ICOS: variants seen among roughly 807,000 people sequenced by gnomAD.
ICOS encodes the protein inducible T cell costimulator.
In ICOS, 15 loss-of-function variants were observed where a neutral mutation model predicts 24.6. The ratio of observed to expected loss-of-function variants is 0.61; its 90% CI spans 0.41 to 0.94. ICOS has a LOEUF of 0.94. Among genes scored for constraint, ICOS ranks in the 40% least tolerant of loss-of-function variants. ICOS has a pLI of 0.00. For missense variants in ICOS, 200 were observed against 233.0 expected, an observed-to-expected ratio of 0.86 and a Z score of 0.92; for synonymous variants, 89 against 77.5, an observed-to-expected ratio of 1.15 and a Z score of -0.78.
At chr2:203,942,019 A>G (rs1689785975) in intron 1 of ICOS, among the ~76,000 whole-genome samples, 1 of 152,224 alleles carries the variant, frequency 6.6e-6, no homozygotes, top group Admixed American at 6.5e-5. Flanking sequence ...TTGTCCCCAA[A>G]TAGGGTGATA....
chr2:203,954,306 C>T (rs927245006), intron 1 of ICOS, among the ~76,000 whole-genome samples: 1 of 152,142 alleles, frequency 6.6e-6, no homozygotes, highest in East Asian at 1.9e-4. Context: ...AAAAGTGGGG[C>T]TGGGCATGGT....
At chr2:203,938,847 G>A (rs1219125270) in intron 1 of ICOS, among the ~76,000 whole-genome samples, 2 of 152,216 alleles carry the variant, frequency 1.3e-5, no homozygotes, top group African/African-American at 2.4e-5. Context: ...AAAGCCATGA[G>A]ATGTGGCATG....
intron 2 of ICOS, 53 bp from the exon 3 acceptor site, chr2:203,956,606 G>T: frequency 8.2e-7 from 1 of 1,212,836 alleles, no homozygotes; most frequent in Non-Finnish European, 1.2e-6. Flanking sequence ...TTTGGTAAGA[G>T]AACTTGTGGT....
At chr2:203,959,055 T>A (rs949292600) in intron 4 of ICOS, among the ~76,000 whole-genome samples, 1 of 152,158 alleles carries the variant, frequency 6.6e-6, no homozygotes, top group Non-Finnish European at 1.5e-5. Flanking sequence ...CCTGACTTCA[T>A]TGGACCTCTG....
chr2:203,941,355 G>T (rs958575544), intron 1 of ICOS, among the ~76,000 whole-genome samples: 23 of 152,092 alleles, frequency 1.5e-4, no homozygotes, highest in Non-Finnish European at 2.5e-4. Flanking sequence ...AGATGAAATG[G>T]ATATTTCAGT....
Position 203,959,659 on chromosome 2 carries a change from C to A in ICOS, c.*60C>A, listed in dbSNP as rs2105757180. The A allele has an allele frequency of 5.3e-6, 8 of 1,507,504 alleles. No individual in the cohort carries two copies. The highest frequency in any genetic ancestry group is 7.4e-6 in the Non-Finnish European group (8 of 1,083,496). 93.4% of individuals were successfully genotyped at this position (1,507,504 alleles called of 1,614,324 possible). A position where few individuals can be genotyped will look rare whatever the true frequency, so the allele number is the denominator to read the frequency against. On this transcript the variant is annotated 3_prime_UTR_variant, in exon 5 of 5. Coordinates refer to ENST00000316386, the MANE Select transcript of ICOS (RefSeq NM_012092.4). ...GGCCAGTTTTCCTCAACTTGAAGTG[C>A]AAGATTCTCTTATTTCCGGGACCAC...
Position 203,936,819 on chromosome 2 carries a change from A to G in ICOS, c.5A>G (p.Lys2Arg). 6.2e-7 allele frequency: 1 copy of G among 1,613,086 alleles called. No homozygotes were observed. The highest frequency in any genetic ancestry group is 8.5e-7 in the Non-Finnish European group (1 of 1,179,162). ...TGTTAACTGTTTCTGGCAAACATGA[A>G]GTCAGGCCTCTGGTATTTCTTTCTC... MKSGLWYFFLFC... is the reference protein window; with the variant it reads MRSGLWYFFLFC... Residue 2 changes from lysine to arginine, a missense_variant, in exon 1 of 5, where the codon AAG becomes AGG. Coordinates refer to ENST00000316386, the MANE Select transcript of ICOS (RefSeq NM_012092.4).
At chr2:203,955,529 C>T in intron 1 of ICOS, 107 bp from the exon 2 acceptor site, 1 of 858,776 alleles carries the variant, frequency 1.2e-6, no homozygotes, top group South Asian at 1.4e-5. Context: ...TTTGGTGCAA[C>T]AGAGATGACT....
At chr2:203,944,109 A>G (rs1378659123) in intron 1 of ICOS, among the ~76,000 whole-genome samples, 2 of 152,184 alleles carry the variant, frequency 1.3e-5, no homozygotes, top group African/African-American at 2.4e-5. Flanking sequence ...TTTCCCCTGC[A>G]TGTGAAATCT....
intron 1 of ICOS, among the ~76,000 whole-genome samples, chr2:203,950,888 T>C (rs1005047897): frequency 4.0e-5 from 6 of 151,086 alleles, no homozygotes; most frequent in Admixed American, 4.0e-4. Context: ...GGTGAAACCC[T>C]GTCTCTACTA....
chr2:203,951,914 C>T (rs1689981932), intron 1 of ICOS, among the ~76,000 whole-genome samples: 1 of 152,170 alleles, frequency 6.6e-6, no homozygotes, highest in South Asian at 2.1e-4. Flanking sequence ...GTAGACTGCA[C>T]CTGTTCTCAT....
intron 1 of ICOS, among the ~76,000 whole-genome samples, chr2:203,952,047 CA>C (rs1689987010): frequency 6.6e-6 from 1 of 151,954 alleles, no homozygotes; most frequent in Non-Finnish European, 1.5e-5. Context: ...ACAAAACATA[CA>C]TATAGAAAAG....
chr2:203,961,485 T>G lies in ICOS; in HGVS notation c.*1886T>G, dbSNP rs1263226542. ...AATAATTCACAAAATTTCTGTGAAA[T>G]CAAATCCAGTTTTAAGAGGAGCCAC... On this transcript the variant is annotated 3_prime_UTR_variant, in exon 5 of 5. Transcript: ENST00000316386. 2 of 153,654 alleles carry G rather than the reference T, an allele frequency of 1.3e-5. No homozygotes were observed. Among genetic ancestry groups the G allele is most frequent in the Non-Finnish European group, 2.9e-5 (2 of 69,014 alleles). The allele number at this position is 153,654 out of a possible 1,614,324, so 9.5% of individuals were successfully genotyped here.
intron 3 of ICOS, among the ~76,000 whole-genome samples, 164 bp downstream of exon 3, chr2:203,956,929 G>A (rs769289234): frequency 1.1e-4 from 17 of 152,070 alleles, no homozygotes; most frequent in Non-Finnish European, 2.4e-4. Context: ...ACTTGGAACA[G>A]AAATTTATGT....
chr2:203,951,621 T>G (rs1689975130), intron 1 of ICOS, among the ~76,000 whole-genome samples: 1 of 152,306 alleles, frequency 6.6e-6, no homozygotes, highest in Admixed American at 6.5e-5. Context: ...AAAAATCTGC[T>G]GAGAAAATCA....
chr2:203,945,793 G>A (rs1288859435), intron 1 of ICOS, among the ~76,000 whole-genome samples: 1 of 152,184 alleles, frequency 6.6e-6, no homozygotes, highest in Non-Finnish European at 1.5e-5. Context: ...ACTGTACTGA[G>A]CTCAGTTTGG....
At chr2:203,937,058 G>T (rs1015352030) in intron 1 of ICOS, among the ~76,000 whole-genome samples, 186 bp downstream of exon 1, 2 of 152,102 alleles carry the variant, frequency 1.3e-5, no homozygotes, top group African/African-American at 4.8e-5. Context: ...AGTTTGCATT[G>T]CTGCCTTTGA....
intron 4 of ICOS, among the ~76,000 whole-genome samples, chr2:203,958,669 G>A (rs1379019545): frequency 6.6e-6 from 1 of 152,116 alleles, no homozygotes; most frequent in Non-Finnish European, 1.5e-5. Flanking sequence ...TGGAATTATA[G>A]CATGGGATGG....
chr2:203,958,964 G>A (rs80012122), intron 4 of ICOS, among the ~76,000 whole-genome samples: 1 of 152,120 alleles, frequency 6.6e-6, no homozygotes, highest in African/African-American at 2.4e-5. Context: ...GGGTGAGGGG[G>A]CAGGGAGAGT....
Sources: gnomAD v4.1 joint callset for allele counts (sites outside exome capture counted in the v4.1 genomes callset) on GRCh38, gnomAD v4.1.1 for gene constraint, MANE v1.5 for transcripts, NCBI Gene and HGNC (gene_info 2026-07-23, HGNC 2026-07-21) for gene names.